LOX: variants seen among roughly 807,000 people sequenced by gnomAD.
The protein encoded by LOX is lysyl oxidase.
Under a neutral mutation model 50.5 loss-of-function variants are expected in LOX, and 12 were observed. The observed-to-expected ratio is 0.24, with a 90% confidence interval of 0.15 to 0.38. LOX has a LOEUF of 0.38. LOX is among the 10% of genes least tolerant of loss of function. The pLI is 1.00. For synonymous variants in LOX, 254 were observed against 230.6 expected (o/e 1.10, Z -0.92); for missense variants, 504 against 563.8 (o/e 0.89, Z 1.07).
rs1435766205 is a variant in LOX at position 122,077,569 on chromosome 5, G to A, written c.417C>T (p.Ala139=). Residue 139 remains alanine, a synonymous_variant, in exon 1 of 7, where the codon GCC becomes GCT. Coordinates refer to ENST00000231004, the MANE Select transcript of LOX (RefSeq NM_002317.7). This position sits in a 1 kb window ranked among gnomAD's most constrained non-coding sequence, Gnocchi z 4.9. ...YSTSRAREAG[A]SRAENQTAPG... The stretch of plus-strand genomic sequence containing the variant: ...GCGCTGTCTGGTTCTCCGCGCGCGA[G>A]GCGCCAGCTTCGCGGGCTCTAGATG... 2.5e-6 allele frequency: 4 copies of A among 1,613,044 alleles called. No homozygotes were observed. The East Asian group carries it at 8.9e-5, about 36-fold the overall frequency.
chr5:122,069,958 G>A, intron 6 of LOX, 95 bp downstream of exon 6: 1 of 887,958 alleles, frequency 1.1e-6, no homozygotes, highest in Non-Finnish European at 1.9e-6. Flanking sequence ...GAAAGCTGCT[G>A]TAGTAGCAGA....
chr5:122,070,653 G>A lies in LOX; in HGVS notation c.1036-64C>T, dbSNP rs1754424358. ...GTGGTCAGACTATGATAAATAATATGCTATTATTTGCAAATTAAATTTTAA... is the reference window on the plus strand; with the variant it reads ...GTGGTCAGACTATGATAAATAATATACTATTATTTGCAAATTAAATTTTAA... On this transcript the variant is annotated intron_variant, in intron 4 of 6. Coordinates refer to ENST00000231004, the MANE Select transcript of LOX (RefSeq NM_002317.7). The A allele has an allele frequency of 7.6e-6, 6 of 784,904 alleles. No homozygotes were observed. The Admixed American group carries it at 1.4e-4, about 19-fold the overall frequency. 48.6% of individuals were successfully genotyped at this position (784,904 alleles called of 1,614,324 possible).
chr5:122,076,970 G>A lies in LOX; in HGVS notation c.663C>T (p.Tyr221=), dbSNP rs1345763600. ...GLPDLVADPY[Y]IQASTYVQKM... ...TCTGCACGTACGTGGACGCCTGGATGTAGTAGGGGTCGGCCACCAGGTCTG... is the reference window on the plus strand; with the variant it reads ...TCTGCACGTACGTGGACGCCTGGATATAGTAGGGGTCGGCCACCAGGTCTG... The change falls in exon 2 of 7, where the codon TAC becomes TAT. Residue 221 remains tyrosine, a synonymous_variant. Coordinates refer to ENST00000231004, the MANE Select transcript of LOX (RefSeq NM_002317.7). The A allele has an allele frequency of 6.2e-6, 10 of 1,613,892 alleles. No individual in the cohort carries two copies. The highest frequency in any genetic ancestry group is 4.5e-5 in the East Asian group (2 of 44,860).
intron 6 of LOX, among the ~76,000 whole-genome samples, chr5:122,067,800 T>C (rs540067124): frequency 6.6e-6 from 1 of 152,204 alleles, no homozygotes; most frequent in South Asian, 2.1e-4. Flanking sequence ...TGACGTTGAC[T>C]TGCCCTGGGC....
At chr5:122,074,302 A>G (rs990406079) in intron 3 of LOX, 133 bp from the exon 4 acceptor site, 14 of 700,972 alleles carry the variant, frequency 2.0e-5, no homozygotes, top group Non-Finnish European at 3.0e-5. Flanking sequence ...ATCTTCTAAA[A>G]GAGAGATTCA....
In LOX at chr5:122,077,264, G is replaced by A; in HGVS notation, c.631+91C>T. On this transcript the variant is annotated intron_variant, in intron 1 of 6. Coordinates refer to ENST00000231004, the MANE Select transcript of LOX (RefSeq NM_002317.7). The surrounding 1 kb of genome is among the most constrained non-coding windows in gnomAD (Gnocchi z 4.9). ...GGGAGGGATCGGATCTGCGAGGACC[G>A]GGGCCCGCCGCGCCCAGGCAGCCAC... 1 of 1,564,830 alleles carries A rather than the reference G, an allele frequency of 6.4e-7. No homozygotes were observed. The highest frequency in any genetic ancestry group is 8.6e-7 in the Non-Finnish European group (1 of 1,156,844).
At position 122,066,435 on chromosome 5, in the gene LOX, A is replaced by G. The variant is rs1754299859; in HGVS notation, c.*308T>C. ...ATAATACTGACCATTTTGCACTACA[A>G]TTTCAAAAGGAACATGAGAAATTTG... On this transcript the variant is annotated 3_prime_UTR_variant, in exon 7 of 7. Coordinates refer to ENST00000231004, the MANE Select transcript of LOX (RefSeq NM_002317.7). 1 of 309,728 alleles carries G rather than the reference A, an allele frequency of 3.2e-6. No individual in the cohort carries two copies. Among genetic ancestry groups the G allele is most frequent in the African/African-American group, 2.1e-5 (1 of 46,860 alleles). 19.2% of individuals were successfully genotyped at this position (309,728 alleles called of 1,614,324 possible). A position where few individuals can be genotyped will look rare whatever the true frequency, so the allele number is the denominator to read the frequency against.
intron 4 of LOX, among the ~76,000 whole-genome samples, chr5:122,072,182 G>A (rs1163332463): frequency 6.6e-6 from 1 of 152,130 alleles, no homozygotes; most frequent in Non-Finnish European, 1.5e-5. Flanking sequence ...ATGCTTCAGT[G>A]CTTATCTTGC....
At chr5:122,074,233 A>C in intron 3 of LOX, 64 bp from the exon 4 acceptor site, 1 of 1,393,394 alleles carries the variant, frequency 7.2e-7, no homozygotes, top group Non-Finnish European at 1.0e-6. Flanking sequence ...TGAAGATATT[A>C]AATGACTTCC....
chr5:122,077,277 C>A lies in LOX; in HGVS notation c.631+78G>T, dbSNP rs1754665885. ...TCTGCGAGGACCGGGGCCCGCCGCG[C>A]CCAGGCAGCCACGTCGAGAAGCCAC... is the stretch of plus-strand genomic sequence containing the variant. On this transcript the variant is annotated intron_variant, in intron 1 of 6. Coordinates refer to ENST00000231004, the MANE Select transcript of LOX (RefSeq NM_002317.7). The surrounding 1 kb of genome is among the most constrained non-coding windows in gnomAD (Gnocchi z 4.9). 2 of 1,588,652 alleles carry A rather than the reference C, an allele frequency of 1.3e-6. No individual in the cohort carries two copies. Among genetic ancestry groups the A allele is most frequent in the East Asian group, 4.5e-5 (2 of 44,130 alleles).
At chr5:122,074,783 T>C (rs1357046754) in intron 3 of LOX, among the ~76,000 whole-genome samples, 1 of 152,130 alleles carries the variant, frequency 6.6e-6, no homozygotes, top group Non-Finnish European at 1.5e-5. Flanking sequence ...TCTTCCCACA[T>C]AAGGAAAAAA....
chr5:122,077,982 G>C lies in LOX; in HGVS notation c.4C>G (p.Arg2Gly). 1.4e-6 allele frequency: 2 copies of C among 1,455,384 alleles called. No individual in the cohort carries two copies. Among genetic ancestry groups the C allele is most frequent in the East Asian group, 2.6e-5 (1 of 37,908 alleles). 90.2% of individuals were successfully genotyped at this position (1,455,384 alleles called of 1,614,324 possible). M[R>G]FAWTVLLLGP... ...AGCAGGAGCACGGTCCAGGCGAAGC[G>C]CATCACTCCTTTTGCCAGATTGACC... The change falls in exon 1 of 7, where the codon CGC becomes GGC. Residue 2 changes from arginine (R) to glycine (G), a missense_variant. This residue lies in a region of LOX where 398 missense variants were observed against 365.8 expected (regional missense o/e 1.09). Coordinates refer to ENST00000231004, the MANE Select transcript of LOX (RefSeq NM_002317.7). The surrounding 1 kb of genome is among the most constrained non-coding windows in gnomAD (Gnocchi z 4.9).
At chr5:122,076,811 A>G (rs897473917) in intron 2 of LOX, 82 bp downstream of exon 2, 5 of 1,214,228 alleles carry the variant, frequency 4.1e-6, no homozygotes, top group Non-Finnish European at 6.0e-6. Flanking sequence ...GTCTGCGCGA[A>G]GCAGTAGCAG....
rs918743721 is a variant in LOX, at chr5:122,063,820, C to T, written c.*2923G>A. 6.6e-6 allele frequency: 1 copy of T among 151,566 alleles called. No individual in the cohort carries two copies. Among genetic ancestry groups the T allele is most frequent in the African/African-American group, 2.4e-5 (1 of 41,294 alleles). The allele number at this position is 151,566 out of a possible 1,614,324, so 9.4% of individuals were successfully genotyped here. A position where few individuals can be genotyped will look rare whatever the true frequency, so the allele number is the denominator to read the frequency against. ...AATGAATTGCATTTCTTCTAGAATC[C>T]GAATATTGGGAATGTTTATAAGTGT... On this transcript the variant is annotated 3_prime_UTR_variant, in exon 7 of 7. Coordinates refer to ENST00000231004, the MANE Select transcript of LOX (RefSeq NM_002317.7).
In LOX at chr5:122,077,031, G is replaced by A; in HGVS notation, c.632-30C>T. The A allele has an allele frequency of 1.2e-6, 2 of 1,609,542 alleles. No homozygotes were observed. Among genetic ancestry groups the A allele is most frequent in the African/African-American group, 1.3e-5 (1 of 74,982 alleles). ...ACGTCAGCAGGCGACGGGCGCAGCA[G>A]TGAAACAACCCGGCGCCCCCCGCTC... On this transcript the variant is annotated intron_variant, in intron 1 of 6. Coordinates refer to ENST00000231004, the MANE Select transcript of LOX (RefSeq NM_002317.7). This position sits in a 1 kb window ranked among gnomAD's most constrained non-coding sequence, Gnocchi z 4.9.
At chr5:122,070,471 G>T (rs1327930160) in intron 5 of LOX, 23 bp downstream of exon 5, 2 of 1,284,342 alleles carry the variant, frequency 1.6e-6, no homozygotes, top group Non-Finnish European at 2.2e-6. Flanking sequence ...ATCAATATAT[G>T]ATATATTTTC....
Position 122,077,267 on chromosome 5 carries a change from G to A in LOX, c.631+88C>T. 6.4e-7 allele frequency: 1 copy of A among 1,569,122 alleles called. No individual in the cohort carries two copies. Among genetic ancestry groups the A allele is most frequent in the South Asian group, 1.2e-5 (1 of 84,264 alleles). Reference sequence around the variant, plus strand: ...AGGGATCGGATCTGCGAGGACCGGGGCCCGCCGCGCCCAGGCAGCCACGTC... The same window carrying A: ...AGGGATCGGATCTGCGAGGACCGGGACCCGCCGCGCCCAGGCAGCCACGTC... On this transcript the variant is annotated intron_variant, in intron 1 of 6. Transcript: ENST00000231004. This position sits in a 1 kb window ranked among gnomAD's most constrained non-coding sequence, Gnocchi z 4.9.
chr5:122,078,071 G>C lies in LOX; in HGVS notation c.-86C>G. 1 of 1,296,480 alleles carries C rather than the reference G, an allele frequency of 7.7e-7. No individual in the cohort carries two copies. Among genetic ancestry groups the C allele is most frequent in the Non-Finnish European group, 1.0e-6 (1 of 993,974 alleles). 80.3% of individuals were successfully genotyped at this position (1,296,480 alleles called of 1,614,324 possible). On this transcript the variant is annotated 5_prime_UTR_variant, in exon 1 of 7. Transcript: ENST00000231004. Reference sequence around the variant, plus strand: ...GGGCTCAAATCACGTGAGGGAAGGAGAAATCTTCAACCAAGGAGGCGAGCG... The same window carrying C: ...GGGCTCAAATCACGTGAGGGAAGGACAAATCTTCAACCAAGGAGGCGAGCG...
At position 122,077,837 on chromosome 5, in the gene LOX, T is replaced by A; in HGVS notation, c.149A>T (p.Asn50Ile). Residue 50 changes from asparagine (N) to isoleucine (I), a missense_variant, in exon 1 of 7, where the codon AAC (asparagine) becomes ATC (isoleucine). By Grantham distance (149) the Asn-to-Ile change is moderately radical. Around this residue, in one of 2 missense-constraint regions of LOX, gnomAD observed 398 missense variants for 365.8 expected, o/e 1.09. Transcript: ENST00000231004. This position sits in a 1 kb window ranked among gnomAD's most constrained non-coding sequence, Gnocchi z 4.9. ...GAWRQQIQWE[N>I]NGQVFSLLSL... ...CAGCAAGCTGAACACCTGCCCGTTG[T>A]TCTCCCATTGGATCTGCTGGCGCCA... 2 of 1,552,910 alleles carry A rather than the reference T, an allele frequency of 1.3e-6. No homozygotes were observed. The highest frequency in any genetic ancestry group is 1.7e-6 in the Non-Finnish European group (2 of 1,154,098).
Sources: allele counts gnomAD v4.1 joint callset (sites outside exome capture counted in the v4.1 genomes callset), GRCh38; gene constraint gnomAD v4.1.1; regional missense constraint gnomAD v4.1.1; non-coding constraint Gnocchi (gnomAD v3.1); transcripts MANE v1.5; gene names NCBI Gene and HGNC (gene_info 2026-07-23, HGNC 2026-07-21).